FSTL5: variants seen among roughly 807,000 people sequenced by gnomAD.
The protein encoded by FSTL5 is follistatin-related protein 5.
Under a neutral mutation model 89.1 loss-of-function variants are expected in FSTL5, and 62 were observed. The observed-to-expected ratio is 0.70, with a 90% CI of 0.57 to 0.86. The LOEUF is 0.86. Among genes scored for constraint, FSTL5 ranks in the 40% least tolerant of loss-of-function variants. The pLI is 0.00. For missense variants in FSTL5, 1,057 were observed against 1,001.6 expected (o/e 1.06, Z -0.75); for synonymous variants, 383 against 346.2 (o/e 1.11, Z -1.18).
At chr4:161,477,968 C>T (rs959653192) in intron 13 of FSTL5, among the ~76,000 whole-genome samples, 1 of 151,928 alleles carries the variant, frequency 6.6e-6, no homozygotes, top group Non-Finnish European at 1.5e-5. Flanking sequence ...GTCACATATG[C>T]TATTTTTGGA....
intron 6 of FSTL5, among the ~76,000 whole-genome samples, chr4:161,692,657 C>A (rs181194220): frequency 1.3e-5 from 2 of 152,242 alleles, no homozygotes; most frequent in East Asian, 3.9e-4. Context: ...ATCAAGAGGG[C>A]AGTCACCTGT....
chr4:161,874,198 C>A (rs1015159680), intron 4 of FSTL5, among the ~76,000 whole-genome samples: 1 of 151,912 alleles, frequency 6.6e-6, no homozygotes, highest in African/African-American at 2.4e-5. Context: ...TCGTCTCAAA[C>A]TTTTGCTATT....
chr4:161,578,293 AAATAT>A (rs1399205221), intron 8 of FSTL5, among the ~76,000 whole-genome samples: 3 of 152,134 alleles, frequency 2.0e-5, no homozygotes, highest in East Asian at 3.8e-4. Context: ...TGTCGTTGAA[AAATAT>A]AATATCTAAA....
chr4:162,159,320 T>C (rs891810891), intron 1 of FSTL5, among the ~76,000 whole-genome samples: 31 of 152,092 alleles, frequency 2.0e-4, no homozygotes, highest in African/African-American at 7.2e-4. Context: ...GTAAAGTAAG[T>C]TTCTCTATTA....
At chr4:161,433,942 TGAGA>T (rs1262957095) in intron 15 of FSTL5, among the ~76,000 whole-genome samples, 2 of 152,098 alleles carry the variant, frequency 1.3e-5, no homozygotes, top group African/African-American at 4.8e-5. Context: ...GTTCATGGAT[TGAGA>T]GAATCAATAA....
At chr4:161,735,083 T>G (rs931613984) in intron 6 of FSTL5, among the ~76,000 whole-genome samples, 12 of 152,210 alleles carry the variant, frequency 7.9e-5, no homozygotes, top group African/African-American at 2.9e-4. Context: ...TACCTGGGCT[T>G]CTAACCTACG....
chr4:161,494,959 G>C (rs1232858888), intron 12 of FSTL5, among the ~76,000 whole-genome samples: 2 of 152,072 alleles, frequency 1.3e-5, no homozygotes, highest in Non-Finnish European at 2.9e-5. Flanking sequence ...CTACCCATGA[G>C]GCTAAGGTAG....
intron 15 of FSTL5, among the ~76,000 whole-genome samples, chr4:161,400,137 C>T (rs1373844023): frequency 6.6e-6 from 1 of 151,940 alleles, no homozygotes; most frequent in Non-Finnish European, 1.5e-5. Context: ...TCCAAATCTC[C>T]AAAATAAACT....
intron 6 of FSTL5, among the ~76,000 whole-genome samples, chr4:161,736,671 T>C (rs964179916): frequency 3.9e-5 from 6 of 152,082 alleles, no homozygotes; most frequent in Non-Finnish European, 7.4e-5. Context: ...CCTTTAATAT[T>C]TCTAGAGAGC....
intron 7 of FSTL5, among the ~76,000 whole-genome samples, chr4:161,610,848 C>A (rs893419156): frequency 6.6e-6 from 1 of 151,434 alleles, no homozygotes; most frequent in Non-Finnish European, 1.5e-5. Flanking sequence ...TAATTTATAT[C>A]TGGTAATTTC....
chr4:161,414,193 T>C (rs991901335), intron 15 of FSTL5, among the ~76,000 whole-genome samples: 1 of 152,194 alleles, frequency 6.6e-6, no homozygotes, highest in African/African-American at 2.4e-5. Flanking sequence ...AAGTAATTCA[T>C]AGTGAAAACA....
intron 10 of FSTL5, among the ~76,000 whole-genome samples, chr4:161,519,225 A>C (rs903149475): frequency 6.6e-6 from 1 of 152,128 alleles, no homozygotes; most frequent in Admixed American, 6.6e-5. Context: ...TAACTAGTTA[A>C]TCTTGGACAC....
chr4:161,616,026 T>C (rs994824812), intron 7 of FSTL5, among the ~76,000 whole-genome samples: 17 of 152,064 alleles, frequency 1.1e-4, no homozygotes, highest in African/African-American at 3.9e-4. Flanking sequence ...AGCAAAATGA[T>C]TTACAAAAGA....
chr4:162,138,062 A>C (rs1457331317), intron 1 of FSTL5, among the ~76,000 whole-genome samples: 1 of 152,168 alleles, frequency 6.6e-6, no homozygotes, highest in East Asian at 1.9e-4. Context: ...GCAAGCTTTA[A>C]AAATTTTGCT....
intron 8 of FSTL5, among the ~76,000 whole-genome samples, chr4:161,578,538 C>T (rs937868902): frequency 5.9e-5 from 9 of 151,940 alleles, no homozygotes; most frequent in African/African-American, 2.2e-4. Context: ...ATGGAGAAAA[C>T]AGAAATCTAT....
intron 4 of FSTL5, among the ~76,000 whole-genome samples, chr4:161,781,565 A>G (rs558258048): frequency 6.6e-6 from 1 of 152,294 alleles, no homozygotes; most frequent in South Asian, 2.1e-4. Flanking sequence ...TATTGTAAAT[A>G]CAGGGGCATT....
intron 3 of FSTL5, among the ~76,000 whole-genome samples, chr4:161,941,116 A>G (rs1213759583): frequency 6.6e-6 from 1 of 151,872 alleles, no homozygotes; most frequent in Non-Finnish European, 1.5e-5. Context: ...TAAGAGTTTA[A>G]TTTTTAAAAC....
intron 4 of FSTL5, among the ~76,000 whole-genome samples, chr4:161,807,196 TACACACACACAC>T (rs10561299): frequency 3.4e-5 from 5 of 146,512 alleles, no homozygotes; most frequent in African/African-American, 1.0e-4. Context: ...CACATGAGAA[TACACACACACAC>T]ACACACACAC....
At chr4:161,503,847 T>C (rs1421491546) in intron 11 of FSTL5, among the ~76,000 whole-genome samples, 2 of 152,066 alleles carry the variant, frequency 1.3e-5, no homozygotes, top group East Asian at 1.9e-4. Context: ...GAACATAATA[T>C]AAAGACTTTA....
Sources: allele counts gnomAD v4.1 joint callset (sites outside exome capture counted in the v4.1 genomes callset), GRCh38; gene constraint gnomAD v4.1.1; transcripts MANE v1.5; gene names NCBI Gene and HGNC (gene_info 2026-07-23, HGNC 2026-07-21).